Variants in PAX2 observed in about 807,000 individuals in gnomAD.
PAX2 encodes paired box 2, also known as paired box protein Pax-2.
Under a neutral mutation model 41.7 loss-of-function variants are expected in PAX2, and 9 were observed. The observed-to-expected ratio is 0.22, with a 90% CI of 0.13 to 0.38. The LOEUF is 0.38. PAX2 is among the 10% of genes least tolerant of loss of function. The pLI is 1.00. For missense variants in PAX2, 418 were observed against 531.6 expected, an observed-to-expected ratio of 0.79 and a Z score of 2.10; for synonymous variants, 221 against 212.7, an observed-to-expected ratio of 1.04 and a Z score of -0.34.
In PAX2 at chr10:100,828,504, C is replaced by A; in HGVS notation, c.*885C>A. On this transcript the variant is annotated 3_prime_UTR_variant, in exon 10 of 10. Transcript: ENST00000355243. The surrounding 1 kb of genome is among the most constrained non-coding windows in gnomAD (Gnocchi z 6.5). ...CCCCTCCTGCCAGTCCTTCGCCTGT[C>A]CCTTGACGCCCTGCATCCTCCTCCC... 4.3e-6 allele frequency: 1 copy of A among 234,132 alleles called. No individual in the cohort carries two copies. The highest frequency in any genetic ancestry group is 8.4e-6 in the Non-Finnish European group (1 of 118,638). 14.5% of individuals were successfully genotyped at this position (234,132 alleles called of 1,614,324 possible).
At chr10:100,805,956 G>A (rs985804481) in intron 5 of PAX2, among the ~76,000 whole-genome samples, 3 of 152,166 alleles carry the variant, frequency 2.0e-5, no homozygotes, top group South Asian at 2.1e-4. Flanking sequence ...ACTCGGCCTC[G>A]GAAATTTGAT....
At chr10:100,758,785 G>C (rs115378016) in intron 3 of PAX2, among the ~76,000 whole-genome samples, 2,391 of 152,340 alleles carry the variant, frequency 0.016, 80 homozygotes, top group African/African-American at 0.055. Context: ...GCCTTTGGTT[G>C]ACCTGACTGG....
chr10:100,742,843 C>CTTTTTTTT (rs61627823), upstream of PAX2, among the ~76,000 whole-genome samples: 22 of 41,252 alleles, frequency 5.3e-4, 4 homozygotes, highest in Non-Finnish European at 8.1e-4. Flanking sequence ...TTCTTTCTTC[C>CTTTTTTTT]TTTTTTTTTT....
At chr10:100,755,966 G>A (rs901498772) in intron 3 of PAX2, among the ~76,000 whole-genome samples, 1 of 152,164 alleles carries the variant, frequency 6.6e-6, no homozygotes, top group Non-Finnish European at 1.5e-5. Flanking sequence ...GGAGTATTGT[G>A]CAAAATAGAC....
intron 3 of PAX2, among the ~76,000 whole-genome samples, chr10:100,763,104 GT>G (rs1845895142): frequency 6.6e-6 from 1 of 152,184 alleles, no homozygotes; most frequent in Admixed American, 6.5e-5. Flanking sequence ...GACTGGTTTT[GT>G]CAAATAGCTG....
intron 3 of PAX2, among the ~76,000 whole-genome samples, chr10:100,769,439 C>A (rs1471827183): frequency 6.6e-6 from 1 of 151,740 alleles, no homozygotes; most frequent in Non-Finnish European, 1.5e-5. Flanking sequence ...ACCAGCCTGG[C>A]CAACATGGTA....
At chr10:100,817,437 C>T (rs1230838029) in intron 7 of PAX2, among the ~76,000 whole-genome samples, 2 of 152,224 alleles carry the variant, frequency 1.3e-5, no homozygotes, top group East Asian at 1.9e-4. Flanking sequence ...AGGAAACCAC[C>T]TCCTGTGAGG....
chr10:100,744,007 A>G (rs1028019637), upstream of PAX2, among the ~76,000 whole-genome samples: 1 of 152,206 alleles, frequency 6.6e-6, no homozygotes, highest in African/African-American at 2.4e-5. Context: ...CCCAGGCCCC[A>G]CAGGAGTGAG....
chr10:100,740,483 T>C (rs1370702078), intron 1 of PAX2, among the ~76,000 whole-genome samples: 1 of 152,196 alleles, frequency 6.6e-6, no homozygotes, highest in Admixed American at 6.5e-5. Flanking sequence ...GTAACCTTTA[T>C]AGGATTGAAG....
At chr10:100,756,600 A>C (rs576699170) in intron 3 of PAX2, among the ~76,000 whole-genome samples, 1 of 152,342 alleles carries the variant, frequency 6.6e-6, no homozygotes, top group African/African-American at 2.4e-5. Flanking sequence ...GGCTAGGCTG[A>C]CCTATGATGT....
intron 5 of PAX2, among the ~76,000 whole-genome samples, chr10:100,804,722 T>C (rs541135839): frequency 7.9e-5 from 12 of 152,170 alleles, no homozygotes; most frequent in African/African-American, 2.2e-4. Context: ...CGTTTATATA[T>C]GTACAAGCGC....
chr10:100,779,409 G>T, intron 3 of PAX2, 89 bp from the exon 4 acceptor site: 1 of 1,090,272 alleles, frequency 9.2e-7, no homozygotes, highest in Non-Finnish European at 1.4e-6. Flanking sequence ...TGAGGAACTT[G>T]GGAGAGAGCC....
chr10:100,761,169 T>C (rs1845827430), intron 3 of PAX2, among the ~76,000 whole-genome samples: 1 of 150,650 alleles, frequency 6.6e-6, no homozygotes. Flanking sequence ...AGAAATGGAC[T>C]GTACGGGGTG....
intron 5 of PAX2, among the ~76,000 whole-genome samples, chr10:100,792,575 G>A (rs1847166307): frequency 6.6e-6 from 1 of 152,246 alleles, no homozygotes; most frequent in South Asian, 2.1e-4. Context: ...CAGAAGCAGA[G>A]GATGGGGAGA....
At chr10:100,749,957 C>T in intron 2 of PAX2, 43 bp downstream of exon 2, 1 of 1,595,858 alleles carries the variant, frequency 6.3e-7, no homozygotes, top group African/African-American at 1.3e-5. Context: ...TTGCCTACTT[C>T]CCCGGCCAGC....
chr10:100,774,772 G>A (rs1257876168), intron 3 of PAX2, among the ~76,000 whole-genome samples: 2 of 152,206 alleles, frequency 1.3e-5, no homozygotes, highest in Non-Finnish European at 2.9e-5. Context: ...ACAGAGAAGG[G>A]AATAAGAAAC....
At chr10:100,813,927 G>A (rs1198545904) in intron 7 of PAX2, among the ~76,000 whole-genome samples, 1 of 152,168 alleles carries the variant, frequency 6.6e-6, no homozygotes, top group African/African-American at 2.4e-5. Context: ...CACATCTCAT[G>A]TGAATACAAA....
intron 1 of PAX2, chr10:100,735,778 G>A (rs1406916298): frequency 2.0e-6 from 2 of 1,019,354 alleles, no homozygotes; most frequent in Non-Finnish European, 2.4e-6. Context: ...GAGGACTAGG[G>A]GAGAGGGATG....
chr10:100,751,563 C>G (rs1845444240), intron 3 of PAX2, among the ~76,000 whole-genome samples: 1 of 152,212 alleles, frequency 6.6e-6, no homozygotes, highest in African/African-American at 2.4e-5. Flanking sequence ...GTGCCTGTCT[C>G]CAGGCTGAAG....
Sources: gnomAD v4.1 joint callset for allele counts (sites outside exome capture counted in the v4.1 genomes callset) on GRCh38, gnomAD v4.1.1 for gene constraint, Gnocchi (gnomAD v3.1) non-coding constraint, MANE v1.5 for transcripts, NCBI Gene and HGNC (gene_info 2026-07-23, HGNC 2026-07-21) for gene names.